The following NSMCE1 variants were observed in gnomAD, a reference collection of about 807,000 sequenced individuals.
NSMCE1 encodes non-structural maintenance of chromosomes element 1 homolog.
A neutral mutation model predicts 29.6 loss-of-function variants in NSMCE1; 18 were observed. That is an observed-to-expected ratio of 0.61 (90% CI 0.42 to 0.90). The LOEUF (loss-of-function observed/expected upper bound fraction) is 0.90. Among genes scored for constraint, NSMCE1 ranks in the 40% least tolerant of loss-of-function variants. The probability of loss-of-function intolerance (pLI) is 0.00; values close to 1 mark genes in which losing one functional copy is unlikely to be tolerated. For synonymous variants in NSMCE1, 124 were observed against 133.4 expected (o/e 0.93, Z 0.49); for missense variants, 314 against 343.6 (o/e 0.91, Z 0.68).
chr16:27,259,508 C>A (rs1180125366), intron 1 of NSMCE1, among the ~76,000 whole-genome samples: 1 of 152,136 alleles, frequency 6.6e-6, no homozygotes, highest in African/African-American at 2.4e-5. Flanking sequence ...GGTCTTGAAG[C>A]AGGAACATGG....
At chr16:27,225,579 G>T in intron 7 of NSMCE1, 147 bp downstream of exon 7, 1 of 926,932 alleles carries the variant, frequency 1.1e-6, no homozygotes, top group Non-Finnish European at 1.6e-6. Flanking sequence ...ACTTCCTGCA[G>T]TGGCTTCTTC....
intron 5 of NSMCE1, among the ~76,000 whole-genome samples, chr16:27,227,778 CTTTTCTTTTTTT>C (rs1567271439): frequency 2.1e-5 from 3 of 142,850 alleles, no homozygotes; most frequent in Admixed American, 6.9e-5. Flanking sequence ...CGTTTCTTTT[CTTTTCTTTTTTT>C]TTTTTTTTTT....
At chr16:27,250,395 T>A (rs2084011950) in intron 2 of NSMCE1, among the ~76,000 whole-genome samples, 1 of 152,256 alleles carries the variant, frequency 6.6e-6, no homozygotes, top group African/African-American at 2.4e-5. Context: ...ATCCCCTTTA[T>A]CAGGTTAAGG....
chr16:27,238,872 A>T (rs1457797886), intron 2 of NSMCE1, among the ~76,000 whole-genome samples: 37 of 138,944 alleles, frequency 2.7e-4, no homozygotes, highest in East Asian at 1.0e-3. Flanking sequence ...ATCCCGACAC[A>T]TTTTTTTTTT....
chr16:27,234,767 G>A (rs2083800879), intron 3 of NSMCE1, among the ~76,000 whole-genome samples: 1 of 152,186 alleles, frequency 6.6e-6, no homozygotes, highest in Non-Finnish European at 1.5e-5. Context: ...AGCCAGGGAT[G>A]GGGCATGTCA....
At chr16:27,243,223 T>A (rs143220668) in intron 2 of NSMCE1, among the ~76,000 whole-genome samples, 78 of 152,346 alleles carry the variant, frequency 5.1e-4, no homozygotes, top group African/African-American at 1.8e-3. Context: ...AAACAATGCC[T>A]GTAAGTTATA....
intron 5 of NSMCE1, 64 bp from the exon 6 acceptor site, chr16:27,226,900 TC>T: frequency 2.0e-6 from 2 of 995,360 alleles, no homozygotes; most frequent in East Asian, 4.8e-5. Context: ...CCACCTCTCT[TC>T]CCTCTGTGAT....
intron 5 of NSMCE1, among the ~76,000 whole-genome samples, chr16:27,231,506 G>A (rs762449672): frequency 5.3e-5 from 8 of 152,102 alleles, no homozygotes; most frequent in Non-Finnish European, 1.0e-4. Flanking sequence ...GTGTGATGGC[G>A]CATGCTTGTG....
chr16:27,246,014 G>A (rs967659239), intron 2 of NSMCE1, among the ~76,000 whole-genome samples: 4 of 152,202 alleles, frequency 2.6e-5, no homozygotes, highest in African/African-American at 4.8e-5. Context: ...ATCAACGCAC[G>A]TAGCCTGATG....
chr16:27,243,445 G>T (rs963795896), intron 2 of NSMCE1, among the ~76,000 whole-genome samples: 1 of 152,146 alleles, frequency 6.6e-6, no homozygotes, highest in African/African-American at 2.4e-5. Context: ...CCAATGGGCT[G>T]CAGCCAATGG....
intron 2 of NSMCE1, among the ~76,000 whole-genome samples, chr16:27,239,265 C>A (rs1406513905): frequency 6.6e-6 from 1 of 152,188 alleles, no homozygotes; most frequent in Non-Finnish European, 1.5e-5. Context: ...TGCACCAGAT[C>A]GCTGCTTCCC....
intron 5 of NSMCE1, among the ~76,000 whole-genome samples, chr16:27,229,390 A>G (rs538113093): frequency 2.0e-5 from 3 of 152,282 alleles, no homozygotes; most frequent in African/African-American, 7.2e-5. Flanking sequence ...CCATGGCCCC[A>G]TGGGAGCGGC....
Position 27,234,233 on chromosome 16 carries a change from C to T in NSMCE1, c.291G>A (p.Met97Ile), listed in dbSNP as rs749123472. Residue 97 changes from methionine to isoleucine, a missense_variant, in exon 4 of 8, where the codon ATG (methionine) becomes ATA (isoleucine). Coordinates refer to ENST00000361439, the MANE Select transcript of NSMCE1 (RefSeq NM_145080.4). Reference sequence around the variant, plus strand: ...GTTCATTCTCTGCAAAATCCGTAGCCATTTTGGAAATTGAAGTTGTAGCAA... The same window carrying T: ...GTTCATTCTCTGCAAAATCCGTAGCTATTTTGGAAATTGAAGTTGTAGCAA... The part of the protein sequence containing the change: ...VNLATTSISK[M>I]ATDFAENELD... 1.2e-6 allele frequency: 2 copies of T among 1,613,708 alleles called. No individual in the cohort carries two copies. The highest frequency in any genetic ancestry group is 2.2e-5 in the South Asian group (2 of 91,060).
At chr16:27,227,916 G>A (rs2083717373) in intron 5 of NSMCE1, among the ~76,000 whole-genome samples, 2 of 151,834 alleles carry the variant, frequency 1.3e-5, no homozygotes, top group Non-Finnish European at 2.9e-5. Flanking sequence ...CTCCTGAGTA[G>A]CTGGGATTAC....
chr16:27,233,962 C>G (rs2140990577), intron 4 of NSMCE1: 2 of 530,302 alleles, frequency 3.8e-6, no homozygotes, highest in East Asian at 3.2e-5. Flanking sequence ...GGGGCTCACA[C>G]CTGGCCCAGC....
intron 1 of NSMCE1, among the ~76,000 whole-genome samples, chr16:27,264,142 T>C (rs1300463629): frequency 6.6e-6 from 1 of 152,130 alleles, no homozygotes; most frequent in Non-Finnish European, 1.5e-5. Context: ...CGTGGGCAGA[T>C]TGCTTGAGCC....
intron 1 of NSMCE1, among the ~76,000 whole-genome samples, chr16:27,267,326 C>A (rs2084236921): frequency 6.6e-6 from 1 of 152,112 alleles, no homozygotes; most frequent in Admixed American, 6.6e-5. Flanking sequence ...TAACACAATT[C>A]TAGTGCTTCA....
intron 2 of NSMCE1, chr16:27,241,948 C>A: frequency 2.6e-6 from 1 of 387,440 alleles, no homozygotes; most frequent in Non-Finnish European, 5.3e-6. Flanking sequence ...TGGCCATTAG[C>A]TGGATGCAAT....
intron 5 of NSMCE1, among the ~76,000 whole-genome samples, chr16:27,231,277 G>A (rs2140988264): frequency 6.6e-6 from 1 of 152,352 alleles, no homozygotes; most frequent in East Asian, 1.9e-4. Flanking sequence ...GAGCAGTTGA[G>A]GTGCCAGGCA....
Sources: gnomAD v4.1 joint callset for allele counts (sites outside exome capture counted in the v4.1 genomes callset) on GRCh38, gnomAD v4.1.1 for gene constraint, MANE v1.5 for transcripts, NCBI Gene and HGNC (gene_info 2026-07-23, HGNC 2026-07-21) for gene names.